ENPP7: variants seen among roughly 807,000 people sequenced by gnomAD.
ENPP7 encodes ectonucleotide pyrophosphatase/phosphodiesterase 7, also known as ectonucleotide pyrophosphatase/phosphodiesterase family member 7.
Under a neutral mutation model 33.6 loss-of-function variants are expected in ENPP7, and 39 were observed. The observed-to-expected ratio is 1.16, with a 90% CI of 0.90 to 1.52. The LOEUF (loss-of-function observed/expected upper bound fraction) is 1.52. Ranked by LOEUF, ENPP7 falls within the 40% of genes most tolerant of loss-of-function variation. The pLI is 0.00. For synonymous variants in ENPP7, 244 were observed against 274.3 expected, an observed-to-expected ratio of 0.89 and a Z score of 1.09; for missense variants, 594 against 641.0, an observed-to-expected ratio of 0.93 and a Z score of 0.79.
rs542080518 is a variant in ENPP7, at chr17:79,739,488, C to T, written c.*16+1426C>T. On this transcript the variant is annotated intron_variant, in intron 5 of 5. Coordinates refer to ENST00000328313, the MANE Select transcript of ENPP7 (RefSeq NM_178543.5). This position sits in a 1 kb window ranked among gnomAD's most constrained non-coding sequence, Gnocchi z 4.4. The stretch of plus-strand genomic sequence containing the variant: ...CTGCAATGTGCACAGATTCCAAATA[C>T]CTTTAAGAGGCACGACATTCGAGGT... The T allele has an allele frequency of 6.6e-6, 1 of 152,386 alleles. No individual in the cohort carries two copies. Among genetic ancestry groups the T allele is most frequent in the South Asian group, 2.1e-4 (1 of 4,826 alleles). The allele number at this position is 152,386 out of a possible 1,614,324, so 9.4% of individuals were successfully genotyped here. A position where few individuals can be genotyped will look rare whatever the true frequency, so the allele number is the denominator to read the frequency against.
chr17:79,732,121 CAT>C lies in ENPP7; in HGVS notation c.253+738_253+739del. 1.1e-3 allele frequency among the ~76,000 whole-genome samples: 53 copies of C among 48,792 alleles called. 4 individuals are homozygous for C. The highest frequency in any genetic ancestry group is 3.5e-3 in the African/African-American group (49 of 14,050). 32.0% of individuals were successfully genotyped at this position (48,792 alleles called of 152,430 possible). A position where few individuals can be genotyped will look rare whatever the true frequency, so the allele number is the denominator to read the frequency against. ...TAATATATATATACATATATATATA[CAT>C]ATATATATGTATATATATATATATA... On this transcript the variant is annotated intron_variant, in intron 1 of 5. Transcript: ENST00000328313.
At chr17:79,732,111 T>TATATATACAC (rs2094286597) in intron 1 of ENPP7, among the ~76,000 whole-genome samples, 1 of 69,680 alleles carries the variant, frequency 1.4e-5, no homozygotes, top group Non-Finnish European at 3.0e-5. Context: ...TATATATACA[T>TATATATACAC]ATATATATAC....
chr17:79,735,511 G>C lies in ENPP7; in HGVS notation c.868G>C (p.Glu290Gln). The C allele has an allele frequency of 6.2e-7, 1 of 1,614,068 alleles. No individual in the cohort carries two copies. Among genetic ancestry groups the C allele is most frequent in the Non-Finnish European group, 8.5e-7 (1 of 1,180,026 alleles). Residue 290 changes from glutamate (E) to glutamine (Q), a missense_variant, in exon 3 of 6, where the codon GAA becomes CAA. Glu to Gln is a conservative substitution (Grantham distance 29). Transcript: ENST00000328313. This position sits in a 1 kb window ranked among gnomAD's most constrained non-coding sequence, Gnocchi z 5.5. ...ACCAAACGGGATGCTGCTCCCTAAA[G>C]AAGGGAGGCTGGAGAAGGTGTACGA... ...YGPNGMLLPKEGRLEKVYDAL... is the reference protein window; with the variant it reads ...YGPNGMLLPKQGRLEKVYDAL...
chr17:79,740,237 T>G (rs1308596556), intron 5 of ENPP7, among the ~76,000 whole-genome samples: 1 of 151,812 alleles, frequency 6.6e-6, no homozygotes, highest in African/African-American at 2.4e-5. Flanking sequence ...GGGTTTAGGG[T>G]TTAGAGAAGT....
chr17:79,734,630 A>T (rs2094291963), intron 2 of ENPP7, among the ~76,000 whole-genome samples: 1 of 152,044 alleles, frequency 6.6e-6, no homozygotes, highest in Non-Finnish European at 1.5e-5. Flanking sequence ...GGCGCCCGCC[A>T]CCACGCCTGG....
chr17:79,732,123 T>TATATATATATATACATATATAC (rs1487716435), intron 1 of ENPP7, among the ~76,000 whole-genome samples: 1 of 37,790 alleles, frequency 2.6e-5, no homozygotes, highest in African/African-American at 1.2e-4. Context: ...TATATATACA[T>TATATATATATATACATATATAC]ATATATATGT....
intron 3 of ENPP7, among the ~76,000 whole-genome samples, chr17:79,736,799 C>T (rs1396236369): frequency 2.6e-5 from 4 of 152,214 alleles, no homozygotes; most frequent in African/African-American, 4.8e-5. Context: ...TGGAGCTGCC[C>T]GCTCCACTCC....
At chr17:79,732,157 C>CAT (rs1236711786) in intron 1 of ENPP7, among the ~76,000 whole-genome samples, 3,583 of 71,206 alleles carry the variant, frequency 0.05, 188 homozygotes, top group Non-Finnish European at 0.069. Flanking sequence ...TATACACACA[C>CAT]ATATATATAT....
rs1555824145 is a variant in ENPP7, at chr17:79,738,953, A to G, written c.*16+891A>G. On this transcript the variant is annotated intron_variant, in intron 5 of 5. Transcript: ENST00000328313. This position sits in a 1 kb window ranked among gnomAD's most constrained non-coding sequence, Gnocchi z 6.2. ...TCCAGGACCTGTCATTTAAAGGTGC[A>G]AGAAAGCAGAGAACACAAAAGCAAA... is the stretch of plus-strand genomic sequence containing the variant. The G allele has an allele frequency of 6.6e-6, 1 of 152,320 alleles. No homozygotes were observed. The highest frequency in any genetic ancestry group is 6.5e-5 in the Admixed American group (1 of 15,282). 9.4% of individuals were successfully genotyped at this position (152,320 alleles called of 1,614,324 possible).
rs781862068 is a variant in ENPP7, at chr17:79,735,495, G to C, written c.852G>C (p.Gly284=). Residue 284 remains glycine (G), a synonymous_variant, in exon 3 of 6, where the codon GGG becomes GGC. Coordinates refer to ENST00000328313, the MANE Select transcript of ENPP7 (RefSeq NM_178543.5). The surrounding 1 kb of genome is among the most constrained non-coding windows in gnomAD (Gnocchi z 5.5). ...EFELLDYGPN[G]MLLPKEGRLE... ...AGCTCCTGGACTACGGACCAAACGG[G>C]ATGCTGCTCCCTAAAGAAGGGAGGC... is the stretch of plus-strand genomic sequence containing the variant. The C allele has an allele frequency of 1.9e-5, 30 of 1,614,006 alleles. No homozygotes were observed. Among genetic ancestry groups the C allele is most frequent in the Non-Finnish European group, 1.9e-5 (23 of 1,180,048 alleles).
rs920067133 is a variant in ENPP7, at chr17:79,738,770, G to A, written c.*16+708G>A. Reference sequence around the variant, plus strand: ...CGGGGCTGTGTTCCTGGAACTCCCCGGGAGCCTCCGAGGACAGTGCTCCCT... The same window carrying A: ...CGGGGCTGTGTTCCTGGAACTCCCCAGGAGCCTCCGAGGACAGTGCTCCCT... On this transcript the variant is annotated intron_variant, in intron 5 of 5. Coordinates refer to ENST00000328313, the MANE Select transcript of ENPP7 (RefSeq NM_178543.5). This position sits in a 1 kb window ranked among gnomAD's most constrained non-coding sequence, Gnocchi z 6.2. The A allele has an allele frequency of 3.0e-4, 45 of 152,082 alleles. No individual in the cohort carries two copies. The highest frequency in any genetic ancestry group is 9.9e-4 in the African/African-American group (41 of 41,462). The allele number at this position is 152,082 out of a possible 1,614,324, so 9.4% of individuals were successfully genotyped here.
chr17:79,735,681 G>T lies in ENPP7; in HGVS notation c.1026+12G>T, dbSNP rs782742369. The stretch of plus-strand genomic sequence containing the variant: ...ACGTCATCCATGGGGTGAGTCGCCT[G>T]CTGGAGGCACCACCTCCAGGGGCTC... On this transcript the variant is annotated intron_variant, in intron 3 of 5. Transcript: ENST00000328313. The surrounding 1 kb of genome is among the most constrained non-coding windows in gnomAD (Gnocchi z 5.5). 3 of 1,593,520 alleles carry T rather than the reference G, an allele frequency of 1.9e-6. No individual in the cohort carries two copies. The highest frequency in any genetic ancestry group is 2.6e-6 in the Non-Finnish European group (3 of 1,167,498).
At chr17:79,734,369 G>A (rs2094291447) in intron 2 of ENPP7, among the ~76,000 whole-genome samples, 1 of 152,178 alleles carries the variant, frequency 6.6e-6, no homozygotes, top group South Asian at 2.1e-4. Context: ...GGAAGCCAAG[G>A]TAGAGACCCT....
Position 79,738,485 on chromosome 17 carries a change from A to G in ENPP7, c.*16+423A>G, listed in dbSNP as rs1375094259. ...TCCTGGAACTCTCCAGGAGCCTCCTAGGACACGCATGAGGTGTGTTTGGTA... is the reference window on the plus strand; with the variant it reads ...TCCTGGAACTCTCCAGGAGCCTCCTGGGACACGCATGAGGTGTGTTTGGTA... On this transcript the variant is annotated intron_variant, in intron 5 of 5. Transcript: ENST00000328313. The surrounding 1 kb of genome is among the most constrained non-coding windows in gnomAD (Gnocchi z 6.2). The G allele has an allele frequency of 1.7e-5, 3 of 180,188 alleles. No homozygotes were observed. The highest frequency in any genetic ancestry group is 4.7e-5 in the African/African-American group (2 of 42,362). 11.2% of individuals were successfully genotyped at this position (180,188 alleles called of 1,614,324 possible). A position where few individuals can be genotyped will look rare whatever the true frequency, so the allele number is the denominator to read the frequency against.
Position 79,731,027 on chromosome 17 carries a change from A to T in ENPP7, c.-113A>T. 1 of 1,241,046 alleles carries T rather than the reference A, an allele frequency of 8.1e-7. No individual in the cohort carries two copies. The highest frequency in any genetic ancestry group is 1.1e-6 in the Non-Finnish European group (1 of 916,484). 76.9% of individuals were successfully genotyped at this position (1,241,046 alleles called of 1,614,324 possible). ...GTTCGACCCGGGGATGTGCACAGCC[A>T]CATTCCAAAGGCGCACGGGATGAGA... On this transcript the variant is annotated 5_prime_UTR_variant, in exon 1 of 6. Transcript: ENST00000328313.
intron 5 of ENPP7, among the ~76,000 whole-genome samples, chr17:79,740,168 A>G (rs1453957293): frequency 6.6e-6 from 1 of 152,166 alleles, no homozygotes; most frequent in Non-Finnish European, 1.5e-5. Flanking sequence ...ACTGCACTCC[A>G]CCATGGGCAA....
chr17:79,732,133 T>TACAC (rs2094287211), intron 1 of ENPP7, among the ~76,000 whole-genome samples: 2 of 18,706 alleles, frequency 1.1e-4, no homozygotes, highest in African/African-American at 4.9e-4. Flanking sequence ...TATATATATG[T>TACAC]ATATATATAT....
At chr17:79,741,671 C>CCAACA in intron 5 of ENPP7, 123 bp from the exon 6 acceptor site, 1 of 174,706 alleles carries the variant, frequency 5.7e-6, no homozygotes. Context: ...GCCCACCATC[C>CCAACA]TGTTTCCCAC....
In ENPP7 at chr17:79,741,937, G is replaced by C; in HGVS notation, c.*160G>C. ...CCCCGGCAGCGCCAACCCCTGCTTG[G>C]CTGTTATGGTGCTGGTAATAAGCCT... On this transcript the variant is annotated 3_prime_UTR_variant, in exon 6 of 6. Coordinates refer to ENST00000328313, the MANE Select transcript of ENPP7 (RefSeq NM_178543.5). 1 of 985,612 alleles carries C rather than the reference G, an allele frequency of 1.0e-6. No homozygotes were observed. The allele number at this position is 985,612 out of a possible 1,614,324, so 61.1% of individuals were successfully genotyped here. A position where few individuals can be genotyped will look rare whatever the true frequency, so the allele number is the denominator to read the frequency against.
Sources: gnomAD v4.1 joint callset for allele counts (sites outside exome capture counted in the v4.1 genomes callset) on GRCh38, gnomAD v4.1.1 for gene constraint, Gnocchi (gnomAD v3.1) non-coding constraint, MANE v1.5 for transcripts, NCBI Gene and HGNC (gene_info 2026-07-23, HGNC 2026-07-21) for gene names.